The following CTNNA3 variants were observed in gnomAD, a reference collection of about 807,000 sequenced individuals.
The protein encoded by CTNNA3 is catenin alpha-3.
A neutral mutation model predicts 95.7 loss-of-function variants in CTNNA3; 76 were observed. The ratio of observed to expected loss-of-function variants is 0.79; its 90% CI spans 0.66 to 0.96. The LOEUF is 0.96. Among genes scored for constraint, CTNNA3 ranks in the 40% least tolerant of loss-of-function variants. The pLI is 0.00. For synonymous variants in CTNNA3, 431 were observed against 374.4 expected, an observed-to-expected ratio of 1.15 and a Z score of -1.74; for missense variants, 1,191 against 1,089.8, an observed-to-expected ratio of 1.09 and a Z score of -1.31.
chr10:67,196,063 T>C (rs1242974294), intron 6 of CTNNA3, among the ~76,000 whole-genome samples: 1 of 152,094 alleles, frequency 6.6e-6, no homozygotes, highest in Middle Eastern at 3.2e-3. Context: ...GTAATGTTTC[T>C]CAAGCAACTA....
chr10:67,560,316 G>C lies in CTNNA3; in HGVS notation c.293-20647C>G, dbSNP rs1294907433. On this transcript the variant is annotated intron_variant, in intron 3 of 17. Coordinates refer to ENST00000433211, the MANE Select transcript of CTNNA3 (RefSeq NM_013266.4). ...GGCAGAAACTCTACAAACCAGAAGA[G>C]AGTGGGGGCCAATATTCAACATTCT... 2.6e-5 allele frequency among the ~76,000 whole-genome samples: 4 copies of C among 150,950 alleles called. 1 individual carries two copies. Among genetic ancestry groups the C allele is most frequent in the Non-Finnish European group, 5.9e-5 (4 of 67,400 alleles).
At chr10:66,790,421 C>A (rs761360043) in intron 7 of CTNNA3, among the ~76,000 whole-genome samples, 1 of 152,078 alleles carries the variant, frequency 6.6e-6, no homozygotes, top group Non-Finnish European at 1.5e-5. Context: ...TGCACCACTG[C>A]ACTCCAGTCT....
chr10:66,386,512 C>A (rs1417191157), intron 11 of CTNNA3, among the ~76,000 whole-genome samples: 1 of 152,086 alleles, frequency 6.6e-6, no homozygotes, highest in Non-Finnish European at 1.5e-5. Flanking sequence ...TGAAAATGGC[C>A]ATACTGCCCA....
At chr10:67,340,328 TG>T (rs1203135291) in intron 5 of CTNNA3, among the ~76,000 whole-genome samples, 1 of 151,688 alleles carries the variant, frequency 6.6e-6, no homozygotes, top group African/African-American at 2.4e-5. Context: ...CTCAAATTTA[TG>T]AAGAAAAAAT....
chr10:66,952,602 A>G (rs1049997242), intron 7 of CTNNA3, among the ~76,000 whole-genome samples: 2 of 152,152 alleles, frequency 1.3e-5, no homozygotes, highest in African/African-American at 2.4e-5. Flanking sequence ...TACTTAAGCA[A>G]TAATGGGCCA....
At chr10:67,574,641 T>C (rs1402471211) in intron 3 of CTNNA3, among the ~76,000 whole-genome samples, 1 of 147,618 alleles carries the variant, frequency 6.8e-6, no homozygotes, top group African/African-American at 2.5e-5. Context: ...AGTGCAGTGG[T>C]GCGATCTCTG....
intron 7 of CTNNA3, among the ~76,000 whole-genome samples, chr10:66,817,422 C>T (rs1468302466): frequency 6.6e-6 from 1 of 151,800 alleles, no homozygotes; most frequent in Non-Finnish European, 1.5e-5. Flanking sequence ...TCTAGTTAGA[C>T]TGGCCAACAA....
chr10:67,073,222 G>C (rs1266600197), intron 7 of CTNNA3, among the ~76,000 whole-genome samples: 11 of 152,142 alleles, frequency 7.2e-5, no homozygotes, highest in Non-Finnish European at 1.5e-4. Flanking sequence ...CTGGTCCTAT[G>C]ACCTACTTGA....
intron 7 of CTNNA3, among the ~76,000 whole-genome samples, chr10:66,921,614 T>C (rs1040530917): frequency 6.6e-6 from 1 of 152,166 alleles, no homozygotes; most frequent in African/African-American, 2.4e-5. Flanking sequence ...TCCCCATATA[T>C]ACATTTAAGT....
At chr10:65,922,224 A>G (rs776492246) in intron 17 of CTNNA3, among the ~76,000 whole-genome samples, 2 of 152,208 alleles carry the variant, frequency 1.3e-5, no homozygotes, top group Admixed American at 1.3e-4. Flanking sequence ...ACTAACCTTA[A>G]CAGAGTGTCT....
intron 7 of CTNNA3, among the ~76,000 whole-genome samples, chr10:66,854,016 G>A (rs910567568): frequency 6.6e-6 from 1 of 151,954 alleles, no homozygotes; most frequent in Admixed American, 6.6e-5. Flanking sequence ...CCACACCATC[G>A]CATGTAAATG....
chr10:66,199,864 G>A (rs1455402462), intron 13 of CTNNA3, among the ~76,000 whole-genome samples: 3 of 126,624 alleles, frequency 2.4e-5, no homozygotes, highest in African/African-American at 9.5e-5. Context: ...GTGTTGGCTG[G>A]GATGGTCTCG....
At chr10:67,272,397 A>G (rs957102433) in intron 5 of CTNNA3, among the ~76,000 whole-genome samples, 2 of 152,062 alleles carry the variant, frequency 1.3e-5, no homozygotes, top group African/African-American at 4.8e-5. Context: ...ACAAAAAAAT[A>G]CAAAAATTAG....
chr10:66,928,151 C>T, intron 7 of CTNNA3: 1 of 1,614,104 alleles, frequency 6.2e-7, no homozygotes, highest in Non-Finnish European at 8.5e-7. Context: ...GATGCTGACG[C>T]CGAGCACATC....
chr10:67,680,459 C>T (rs1009361815), intron 1 of CTNNA3, among the ~76,000 whole-genome samples: 10 of 152,154 alleles, frequency 6.6e-5, no homozygotes, highest in Non-Finnish European at 1.0e-4. Context: ...TAGAACGTCA[C>T]AGGAATCAGA....
At chr10:66,755,578 C>A (rs575444709) in intron 9 of CTNNA3, among the ~76,000 whole-genome samples, 1 of 152,040 alleles carries the variant, frequency 6.6e-6, no homozygotes, top group Admixed American at 6.6e-5. Flanking sequence ...ATTATCAATA[C>A]GAAATATTGG....
chr10:67,521,273 C>A (rs1009916300), intron 5 of CTNNA3, among the ~76,000 whole-genome samples: 4 of 152,112 alleles, frequency 2.6e-5, no homozygotes, highest in African/African-American at 9.7e-5. Context: ...AAGTTTATTT[C>A]AGCTCTCTAT....
intron 5 of CTNNA3, among the ~76,000 whole-genome samples, chr10:67,452,291 G>A (rs1023126859): frequency 2.8e-4 from 43 of 152,140 alleles, no homozygotes; most frequent in Admixed American, 1.0e-3. Flanking sequence ...AATGAATAAC[G>A]TAATTGCCTG....
chr10:66,704,154 T>C (rs1848043732), intron 9 of CTNNA3, among the ~76,000 whole-genome samples: 1 of 152,124 alleles, frequency 6.6e-6, no homozygotes, highest in South Asian at 2.1e-4. Context: ...ACGGTGTTTT[T>C]CTATTTTTCA....
Sources: gnomAD v4.1 joint callset for allele counts (sites outside exome capture counted in the v4.1 genomes callset) on GRCh38, gnomAD v4.1.1 for gene constraint, MANE v1.5 for transcripts, NCBI Gene and HGNC (gene_info 2026-07-23, HGNC 2026-07-21) for gene names.